The following RYR3 variants were observed in gnomAD, a reference collection of about 807,000 sequenced individuals.
The protein encoded by RYR3 is ryanodine receptor 3.
A neutral mutation model predicts 584.3 loss-of-function variants in RYR3; 207 were observed. The ratio of observed to expected loss-of-function variants is 0.35; its 90% CI spans 0.32 to 0.40. The LOEUF (loss-of-function observed/expected upper bound fraction) is 0.40, where lower values mean the gene tolerates loss of function less well. Among genes scored for constraint, RYR3 ranks in the 10% least tolerant of loss-of-function variants. RYR3 has a pLI of 1.00. For synonymous variants in RYR3, 2,416 were observed against 2,248.5 expected (o/e 1.07, Z -2.11); for missense variants, 5,616 against 6,089.2 (o/e 0.92, Z 2.59).
At chr15:33,794,949 C>G (rs1190973650) in intron 67 of RYR3, among the ~76,000 whole-genome samples, 1 of 152,196 alleles carries the variant, frequency 6.6e-6, no homozygotes, top group Non-Finnish European at 1.5e-5. Context: ...CAAAAGACAA[C>G]AGGGACAGCA....
Position 33,750,005 on chromosome 15 carries a change from C to G in RYR3, c.8226C>G (p.Asn2742Lys), listed in dbSNP as rs1384546289. Residue 2742 changes from asparagine (N) to lysine (K), a missense_variant, in exon 56 of 104, where the codon AAC becomes AAG. Around this residue, in one of 9 missense-constraint regions of RYR3, gnomAD observed 1,280 missense variants for 1,426.2 expected, o/e 0.90. Coordinates refer to ENST00000634891, the MANE Select transcript of RYR3 (RefSeq NM_001036.6). ...LQGMVEVVAE[N>K]YHNIWAKKKK... ...GAATGGTGGAGGTCGTGGCTGAGAA[C>G]TATCACAATATCTGGGCCAAGAAGA... 6.2e-7 allele frequency: 1 copy of G among 1,612,532 alleles called. No individual in the cohort carries two copies. Among genetic ancestry groups the G allele is most frequent in the Non-Finnish European group, 8.5e-7 (1 of 1,179,466 alleles).
chr15:33,612,562 G>A (rs11639463), intron 18 of RYR3, among the ~76,000 whole-genome samples: 24,007 of 152,100 alleles, frequency 0.16, 1,907 homozygotes, highest in Middle Eastern at 0.23. Context: ...GTTTCTCCAT[G>A]TTGGTCAGGC....
chr15:33,808,148 G>A (rs1490647403), intron 70 of RYR3, among the ~76,000 whole-genome samples: 5 of 152,230 alleles, frequency 3.3e-5, no homozygotes, highest in Admixed American at 3.3e-4. Context: ...CAGTGAAGAA[G>A]GGGAGATGTG....
intron 1 of RYR3, among the ~76,000 whole-genome samples, chr15:33,358,506 G>A (rs1297848254): frequency 6.6e-6 from 1 of 152,178 alleles, no homozygotes; most frequent in Admixed American, 6.5e-5. Flanking sequence ...AAACACTTTT[G>A]TACTTCTGTG....
intron 1 of RYR3, among the ~76,000 whole-genome samples, chr15:33,427,325 A>C (rs2044732812): frequency 6.6e-6 from 1 of 152,200 alleles, no homozygotes; most frequent in Non-Finnish European, 1.5e-5. Context: ...AAAATGATTC[A>C]AAGCTGGGTG....
At chr15:33,779,616 A>G (rs1235042381) in intron 64 of RYR3, among the ~76,000 whole-genome samples, 1 of 152,170 alleles carries the variant, frequency 6.6e-6, no homozygotes, top group Non-Finnish European at 1.5e-5. Flanking sequence ...GGAAGGATCC[A>G]TCTCAATTTG....
chr15:33,337,056 C>CA (rs71117134), intron 1 of RYR3, among the ~76,000 whole-genome samples: 10,172 of 48,910 alleles, frequency 0.21, 2,779 homozygotes, highest in Non-Finnish European at 0.22. Context: ...GACTCCGTCT[C>CA]AAAAAAAAAA....
At chr15:33,547,491 G>C (rs2056335115) in intron 8 of RYR3, among the ~76,000 whole-genome samples, 1 of 152,174 alleles carries the variant, frequency 6.6e-6, no homozygotes, top group African/African-American at 2.4e-5. Context: ...AGCTGAGTGA[G>C]ATCATACAGG....
chr15:33,697,437 G>A (rs1014117729), intron 39 of RYR3, among the ~76,000 whole-genome samples: 4 of 152,166 alleles, frequency 2.6e-5, no homozygotes, highest in African/African-American at 7.2e-5. Context: ...CACCCAGCAA[G>A]GGAGTACACA....
intron 1 of RYR3, among the ~76,000 whole-genome samples, chr15:33,344,075 G>C (rs1972146161): frequency 6.6e-6 from 1 of 152,198 alleles, no homozygotes; most frequent in South Asian, 2.1e-4. Flanking sequence ...TCACTTGCTG[G>C]AATTGTTGTT....
chr15:33,606,017 A>G (rs58352226), intron 18 of RYR3, among the ~76,000 whole-genome samples: 50,559 of 152,102 alleles, frequency 0.33, 9,276 homozygotes, highest in East Asian at 0.76. Context: ...TGTCTTTAAC[A>G]TACTTATTAA....
At chr15:33,729,588 C>T (rs530723053) in intron 47 of RYR3, among the ~76,000 whole-genome samples, 2 of 152,082 alleles carry the variant, frequency 1.3e-5, no homozygotes, top group African/African-American at 4.8e-5. Context: ...AGGACAAAGG[C>T]AAATATAAGT....
intron 73 of RYR3, 24 bp downstream of exon 73, chr15:33,813,018 A>C: frequency 1.2e-6 from 2 of 1,613,352 alleles, no homozygotes; most frequent in African/African-American, 2.7e-5. Flanking sequence ...GCCCTGAGGA[A>C]TGGGGAAGCA....
intron 1 of RYR3, among the ~76,000 whole-genome samples, chr15:33,417,472 A>G (rs1326535133): frequency 6.6e-6 from 1 of 151,908 alleles, no homozygotes; most frequent in Non-Finnish European, 1.5e-5. Context: ...TGTATCATCT[A>G]TTTGGTTTTC....
chr15:33,433,546 T>A (rs2045390925), intron 1 of RYR3, among the ~76,000 whole-genome samples: 1 of 152,194 alleles, frequency 6.6e-6, no homozygotes, highest in Non-Finnish European at 1.5e-5. Flanking sequence ...AGTAAATAAA[T>A]GCAGTCGTAG....
Position 33,836,996 on chromosome 15 carries a change from GT to G in RYR3, c.11650+12del. The G allele has an allele frequency of 6.2e-7, 1 of 1,609,280 alleles. No individual in the cohort carries two copies. Reference sequence around the variant, plus strand: ...TCTGTCCCTCCTGGAAGGTTGGGCTGTTTGGTATAACTAGGCCTTCACACAA... The same window carrying G: ...TCTGTCCCTCCTGGAAGGTTGGGCTGTTGGTATAACTAGGCCTTCACACAA... On this transcript the variant is annotated intron_variant, in intron 88 of 103. Transcript: ENST00000634891.
intron 1 of RYR3, among the ~76,000 whole-genome samples, chr15:33,424,676 T>G (rs1235620232): frequency 6.6e-6 from 1 of 152,196 alleles, no homozygotes; most frequent in African/African-American, 2.4e-5. Flanking sequence ...TGGCATATAT[T>G]GGACTGGGTC....
intron 1 of RYR3, among the ~76,000 whole-genome samples, chr15:33,321,806 A>C (rs2140533800): frequency 6.6e-6 from 1 of 152,358 alleles, no homozygotes; most frequent in African/African-American, 2.4e-5. Flanking sequence ...TGAGTGTTTC[A>C]CTAACTAGCA....
intron 69 of RYR3, among the ~76,000 whole-genome samples, chr15:33,803,327 A>G (rs1034659530): frequency 1.3e-5 from 2 of 152,294 alleles, no homozygotes; most frequent in African/African-American, 4.8e-5. Flanking sequence ...TTCATTTTGC[A>G]TTTGTCTTTT....
Sources: allele counts gnomAD v4.1 joint callset (sites outside exome capture counted in the v4.1 genomes callset), GRCh38; gene constraint gnomAD v4.1.1; regional missense constraint gnomAD v4.1.1; transcripts MANE v1.5; gene names NCBI Gene and HGNC (gene_info 2026-07-23, HGNC 2026-07-21).